TRMT9B: variants seen among roughly 807,000 people sequenced by gnomAD.
TRMT9B encodes tRNA methyltransferase 9B (putative).
TRMT9B carries 16 observed loss-of-function variants against 11.5 expected under a neutral mutation model. That is an observed-to-expected ratio of 1.39 (90% CI 0.94 to 2.11). The LOEUF (loss-of-function observed/expected upper bound fraction) is 2.11, where lower values mean the gene tolerates loss of function less well. TRMT9B is among the 30% of genes most tolerant of loss of function. The pLI is 0.00. For synonymous variants in TRMT9B, 274 were observed against 192.4 expected (o/e 1.42, Z -3.51); for missense variants, 941 against 553.8 (o/e 1.70, Z -7.02).
intron 1 of TRMT9B, among the ~76,000 whole-genome samples, chr8:12,965,086 C>G (rs1230148025): frequency 6.6e-6 from 1 of 152,214 alleles, no homozygotes; most frequent in Non-Finnish European, 1.5e-5. Flanking sequence ...CAAACACATT[C>G]TTATAGAATA....
chr8:12,995,997 A>C (rs1808267032), intron 2 of TRMT9B, among the ~76,000 whole-genome samples: 1 of 152,176 alleles, frequency 6.6e-6, no homozygotes, highest in African/African-American at 2.4e-5. Context: ...AAATTGTCTT[A>C]ACGAGTAACA....
intron 1 of TRMT9B, among the ~76,000 whole-genome samples, chr8:12,971,751 T>C (rs1194765460): frequency 6.6e-6 from 1 of 152,204 alleles, no homozygotes; most frequent in Non-Finnish European, 1.5e-5. Flanking sequence ...CCTCCGAATA[T>C]ATTTAGATGT....
chr8:12,986,106 C>G (rs189144951), intron 1 of TRMT9B, among the ~76,000 whole-genome samples: 50 of 152,250 alleles, frequency 3.3e-4, no homozygotes, highest in African/African-American at 1.2e-3. Context: ...AGGTGATCTG[C>G]CTATCCCGGC....
intron 1 of TRMT9B, among the ~76,000 whole-genome samples, chr8:12,966,416 T>G (rs886159566): frequency 4.6e-5 from 7 of 152,196 alleles, no homozygotes; most frequent in Non-Finnish European, 8.8e-5. Flanking sequence ...AACCCCTATG[T>G]TATCAATAAA....
intron 1 of TRMT9B, among the ~76,000 whole-genome samples, chr8:12,971,780 T>C (rs1803668146): frequency 2.0e-5 from 3 of 152,242 alleles, no homozygotes; most frequent in African/African-American, 7.2e-5. Flanking sequence ...CTTTTACATA[T>C]TATAAGCATA....
chr8:12,992,642 A>C (rs927885967), intron 2 of TRMT9B, among the ~76,000 whole-genome samples: 29 of 151,946 alleles, frequency 1.9e-4, no homozygotes, highest in African/African-American at 7.0e-4. Flanking sequence ...ACCTGAGCTC[A>C]GGAGTTTGAG....
intron 3 of TRMT9B, among the ~76,000 whole-genome samples, chr8:13,009,241 G>A (rs1044649381): frequency 2.0e-5 from 3 of 152,090 alleles, no homozygotes; most frequent in African/African-American, 7.2e-5. Context: ...TGGTTACCTG[G>A]GGCTGGGGTG....
chr8:12,990,162 G>A (rs1807082124), intron 1 of TRMT9B, among the ~76,000 whole-genome samples: 1 of 152,152 alleles, frequency 6.6e-6, no homozygotes, highest in African/African-American at 2.4e-5. Context: ...AGGAAAAATG[G>A]TTGCAGGCTG....
intron 1 of TRMT9B, among the ~76,000 whole-genome samples, chr8:12,971,184 T>A (rs1374403376): frequency 6.6e-6 from 1 of 152,238 alleles, no homozygotes; most frequent in Non-Finnish European, 1.5e-5. Context: ...GTCGTTTCCC[T>A]GCTGTATTAT....
intron 1 of TRMT9B, chr8:12,952,375 C>G: frequency 3.3e-6 from 1 of 305,148 alleles, no homozygotes; most frequent in South Asian, 2.4e-5. Flanking sequence ...TCCTGCTCGT[C>G]CCCTGCCTTT....
At chr8:13,018,313 A>G (rs756351428) in intron 4 of TRMT9B, among the ~76,000 whole-genome samples, 2 of 150,280 alleles carry the variant, frequency 1.3e-5, no homozygotes, top group Non-Finnish European at 3.0e-5. Flanking sequence ...GAGAGAGGAG[A>G]ATCACCTGAA....
At chr8:12,971,038 A>G (rs1173414559) in intron 1 of TRMT9B, among the ~76,000 whole-genome samples, 4 of 152,162 alleles carry the variant, frequency 2.6e-5, no homozygotes, top group African/African-American at 9.7e-5. Context: ...TACATGTGCT[A>G]TTTTGACACA....
intron 2 of TRMT9B, among the ~76,000 whole-genome samples, chr8:13,001,280 G>A (rs1300864790): frequency 1.3e-5 from 2 of 152,158 alleles, no homozygotes; most frequent in African/African-American, 4.8e-5. Context: ...CCCATGGACT[G>A]GTTCCCTGTA....
At chr8:13,014,042 A>C (rs1304335463) in intron 4 of TRMT9B, among the ~76,000 whole-genome samples, 1 of 152,242 alleles carries the variant, frequency 6.6e-6, no homozygotes, top group Non-Finnish European at 1.5e-5. Flanking sequence ...ACAAAATTGC[A>C]GAATAAGATG....
chr8:12,964,804 C>G (rs1192112854), intron 1 of TRMT9B, among the ~76,000 whole-genome samples: 4 of 152,076 alleles, frequency 2.6e-5, no homozygotes, highest in African/African-American at 9.7e-5. Flanking sequence ...GATGCCTAGG[C>G]TGGTCTCAAA....
intron 4 of TRMT9B, 91 bp downstream of exon 4, chr8:13,012,948 A>G: frequency 7.3e-7 from 1 of 1,374,256 alleles, no homozygotes. Context: ...CGTTCTGTGT[A>G]GAAATGTCAA....
At chr8:13,018,648 G>C (rs542930311) in intron 4 of TRMT9B, among the ~76,000 whole-genome samples, 2 of 152,046 alleles carry the variant, frequency 1.3e-5, no homozygotes, top group Non-Finnish European at 2.9e-5. Flanking sequence ...GGCATACAGC[G>C]GTTTCTGTGA....
At chr8:12,970,779 A>T (rs1259649658) in intron 1 of TRMT9B, among the ~76,000 whole-genome samples, 3 of 152,090 alleles carry the variant, frequency 2.0e-5, no homozygotes, top group Non-Finnish European at 4.4e-5. Context: ...GCTTCCTGTC[A>T]CTCACTTCAT....
At chr8:13,018,819 T>A (rs653246) in intron 4 of TRMT9B, among the ~76,000 whole-genome samples, 10,002 of 152,210 alleles carry the variant, frequency 0.066, 404 homozygotes, top group African/African-American at 0.11. Context: ...ATAAGGTGCA[T>A]CACAGTCTTC....
Sources: gnomAD v4.1 joint callset for allele counts (sites outside exome capture counted in the v4.1 genomes callset) on GRCh38, gnomAD v4.1.1 for gene constraint, MANE v1.5 for transcripts, NCBI Gene and HGNC (gene_info 2026-07-23, HGNC 2026-07-21) for gene names.